CFAP57: variants seen among roughly 807,000 people sequenced by gnomAD.
CFAP57 encodes cilia- and flagella-associated protein 57.
CFAP57 carries 116 observed loss-of-function variants against 146.8 expected under a neutral mutation model. That is an observed-to-expected ratio of 0.79 (90% CI 0.68 to 0.92). The LOEUF is 0.92. CFAP57 is among the 40% of genes least tolerant of loss of function. The pLI is 0.00. For missense variants in CFAP57, 1,377 were observed against 1,527.2 expected (o/e 0.90, Z 1.64); for synonymous variants, 518 against 552.8 (o/e 0.94, Z 0.88).
At chr1:43,244,920 AAAAC>A (rs1646057607) in intron 22 of CFAP57, among the ~76,000 whole-genome samples, 1 of 152,124 alleles carries the variant, frequency 6.6e-6, no homozygotes, top group East Asian at 1.9e-4. Context: ...AAAAAACAAA[AAAAC>A]AAAAAAACCT....
chr1:43,197,250 G>T (rs1454400504), intron 6 of CFAP57, among the ~76,000 whole-genome samples: 1 of 152,070 alleles, frequency 6.6e-6, no homozygotes, highest in Non-Finnish European at 1.5e-5. Flanking sequence ...CCAGCTACTC[G>T]GGAGGCTGAG....
chr1:43,189,665 C>T (rs1445519886), intron 6 of CFAP57, among the ~76,000 whole-genome samples: 4 of 152,092 alleles, frequency 2.6e-5, no homozygotes, highest in East Asian at 3.8e-4. Context: ...TTGCTATAAA[C>T]GAGTACCTGA....
chr1:43,188,877 C>T (rs1643318507), intron 6 of CFAP57, among the ~76,000 whole-genome samples: 1 of 152,218 alleles, frequency 6.6e-6, no homozygotes, highest in Non-Finnish European at 1.5e-5. Context: ...CTAAGAGTTT[C>T]ATAGTGCTAG....
chr1:43,197,230 G>A (rs373669673), intron 6 of CFAP57, among the ~76,000 whole-genome samples: 6 of 152,042 alleles, frequency 3.9e-5, no homozygotes, highest in Admixed American at 6.6e-5. Flanking sequence ...GGTGGCAGGC[G>A]CCTGCAGTCC....
At chr1:43,234,210 C>CTG in intron 19 of CFAP57, 69 bp from the exon 20 acceptor site, 1 of 1,444,158 alleles carries the variant, frequency 6.9e-7, no homozygotes, top group Non-Finnish European at 9.1e-7. Flanking sequence ...CCATTAACCT[C>CTG]TGCCTGCAGC....
At chr1:43,196,640 C>G (rs1643880156) in intron 6 of CFAP57, 1 of 152,190 alleles carries the variant, frequency 6.6e-6, no homozygotes, top group South Asian at 2.1e-4. Context: ...TTAAATTTCC[C>G]AACGATCACT....
chr1:43,233,318 G>A (rs1000790201), intron 19 of CFAP57, among the ~76,000 whole-genome samples: 2 of 152,096 alleles, frequency 1.3e-5, no homozygotes, highest in African/African-American at 2.4e-5. Flanking sequence ...GTGAAACCCC[G>A]TCTCTACTAA....
intron 9 of CFAP57, 105 bp from the exon 10 acceptor site, chr1:43,206,615 C>A: frequency 9.0e-7 from 1 of 1,115,118 alleles, no homozygotes. Flanking sequence ...CAGGAAAGGA[C>A]GTTCTGCTCA....
chr1:43,232,014 G>C, intron 18 of CFAP57: 1 of 682,294 alleles, frequency 1.5e-6, no homozygotes, highest in Non-Finnish European at 2.7e-6. Flanking sequence ...CCTGTTTTAT[G>C]CCTTAGATGG....
chr1:43,185,652 G>A (rs141763884), intron 5 of CFAP57, among the ~76,000 whole-genome samples: 4,681 of 140,994 alleles, frequency 0.033, 113 homozygotes, highest in Admixed American at 0.047. Context: ...GACCAGCCTG[G>A]GCAACATGGT....
chr1:43,223,141 G>C, intron 16 of CFAP57, 144 bp downstream of exon 16: 1 of 913,116 alleles, frequency 1.1e-6, no homozygotes. Flanking sequence ...AAGAGCACCA[G>C]CCAGTGCACC....
At chr1:43,236,671 AG>A (rs1365643540) in intron 21 of CFAP57, among the ~76,000 whole-genome samples, 3 of 140,088 alleles carry the variant, frequency 2.1e-5, no homozygotes, top group Non-Finnish European at 3.0e-5. Flanking sequence ...GCACTTTGGG[AG>A]GCCGAGGCGG....
rs909953023 is a variant in CFAP57 at position 43,234,547 on chromosome 1, G to A, written c.3314G>A (p.Arg1105Gln). The A allele has an allele frequency of 1.2e-5, 19 of 1,550,320 alleles. No individual in the cohort carries two copies. Among genetic ancestry groups the A allele is most frequent in the African/African-American group, 9.6e-5 (7 of 73,014 alleles). ...TDLQQEYTRQ[R>Q]EHLERNLATL... Reference sequence around the variant, plus strand: ...CTGCAGCAGGAGTACACCCGGCAGCGGGAGCACCTGGAGAGGAACCTGGCC... The same window carrying A: ...CTGCAGCAGGAGTACACCCGGCAGCAGGAGCACCTGGAGAGGAACCTGGCC... The change falls in exon 21 of 23, where the codon CGG (arginine) becomes CAG (glutamine). Residue 1105 changes from arginine to glutamine, a missense_variant. By Grantham distance (43) the Arg-to-Gln change is conservative. Coordinates refer to ENST00000372492, the MANE Select transcript of CFAP57 (RefSeq NM_001378189.1).
At chr1:43,242,058 T>C (rs1199047604) in intron 21 of CFAP57, among the ~76,000 whole-genome samples, 1 of 152,178 alleles carries the variant, frequency 6.6e-6, no homozygotes, top group Admixed American at 6.5e-5. Context: ...CTCCTTTCAC[T>C]CTGCATTCCA....
At chr1:43,178,718 A>ACATTGTGGAAGTTCAAG (rs1645265530) in intron 2 of CFAP57, among the ~76,000 whole-genome samples, 1 of 152,230 alleles carries the variant, frequency 6.6e-6, no homozygotes, top group Non-Finnish European at 1.5e-5. Context: ...ATTGTGGAAG[A>ACATTGTGGAAGTTCAAG]CAGTGTGGTG....
Position 43,253,880 on chromosome 1 carries a change from C to A in CFAP57, c.3539-97C>A, listed in dbSNP as rs1336593498. 14 of 1,095,434 alleles carry A rather than the reference C, an allele frequency of 1.3e-5. No homozygotes were observed. The South Asian group carries it at 1.8e-4, about 14-fold the overall frequency. The allele number at this position is 1,095,434 out of a possible 1,614,324, so 67.9% of individuals were successfully genotyped here. ...GGATTGAGTGCTCCACAGTAGGTGCCCAATAAATGTTTGAGGAAGCAGGGA... is the reference window on the plus strand; with the variant it reads ...GGATTGAGTGCTCCACAGTAGGTGCACAATAAATGTTTGAGGAAGCAGGGA... On this transcript the variant is annotated intron_variant, in intron 22 of 22. Transcript: ENST00000372492.
intron 5 of CFAP57, among the ~76,000 whole-genome samples, chr1:43,185,603 A>T (rs1643004537): frequency 6.7e-6 from 1 of 148,808 alleles, no homozygotes; most frequent in Admixed American, 6.9e-5. Context: ...GCACTTTGGG[A>T]GGCCAAGGTG....
At chr1:43,192,646 C>T (rs527277053) in intron 6 of CFAP57, among the ~76,000 whole-genome samples, 1 of 150,002 alleles carries the variant, frequency 6.7e-6, no homozygotes, top group South Asian at 2.1e-4. Context: ...ATAAAAAAGC[C>T]GGGAGTGGTG....
intron 2 of CFAP57, among the ~76,000 whole-genome samples, chr1:43,178,060 G>A (rs1645240597): frequency 6.6e-6 from 1 of 152,166 alleles, no homozygotes. Context: ...TTTAATAAAT[G>A]GTGCTGGGAA....
Sources: allele counts gnomAD v4.1 joint callset (sites outside exome capture counted in the v4.1 genomes callset), GRCh38; gene constraint gnomAD v4.1.1; transcripts MANE v1.5; gene names NCBI Gene and HGNC (gene_info 2026-07-23, HGNC 2026-07-21).